TRMT11: variants seen among roughly 807,000 people sequenced by gnomAD.
The protein encoded by TRMT11 is tRNA (guanine(10)-N(2))-methyltransferase TRMT11.
TRMT11 carries 53 observed loss-of-function variants against 62.8 expected under a neutral mutation model. The observed-to-expected ratio is 0.84, with a 90% confidence interval of 0.68 to 1.06. The LOEUF (loss-of-function observed/expected upper bound fraction) is 1.06. TRMT11 is among the 50% of genes least tolerant of loss of function. The probability of loss-of-function intolerance (pLI) is 0.00; values close to 1 mark genes in which losing one functional copy is unlikely to be tolerated. For missense variants in TRMT11, 556 were observed against 553.4 expected (o/e 1.00, Z -0.05); for synonymous variants, 188 against 190.3 (o/e 0.99, Z 0.10).
At chr6:126,077,770 G>T (rs757624983) in intron 17 of TRMT11, among the ~76,000 whole-genome samples, 1 of 152,180 alleles carries the variant, frequency 6.6e-6, no homozygotes, top group Non-Finnish European at 1.5e-5. Context: ...CTAGTTTGGT[G>T]AGATAATGTT....
chr6:126,092,589 G>A (rs192483406), intron 17 of TRMT11, among the ~76,000 whole-genome samples: 1 of 152,292 alleles, frequency 6.6e-6, no homozygotes, highest in African/African-American at 2.4e-5. Flanking sequence ...CAGCCAAACC[G>A]TATCATCTGG....
chr6:126,128,779 A>G (rs762967454), intron 21 of TRMT11, among the ~76,000 whole-genome samples: 1 of 152,036 alleles, frequency 6.6e-6, no homozygotes, highest in Non-Finnish European at 1.5e-5. Context: ...TAAATATCCC[A>G]TGTGATATTG....
intron 21 of TRMT11, among the ~76,000 whole-genome samples, chr6:126,143,470 T>G (rs981568354): frequency 1.3e-5 from 2 of 152,162 alleles, no homozygotes; most frequent in Non-Finnish European, 2.9e-5. Context: ...GAAAGGTCCC[T>G]TGACAGAGTA....
chr6:126,181,528 A>G (rs1182123484), intron 1 of TRMT11, among the ~76,000 whole-genome samples: 2 of 152,138 alleles, frequency 1.3e-5, no homozygotes, highest in Admixed American at 6.5e-5. Context: ...ACAGATTCCT[A>G]CATATCAAAG....
intron 2 of TRMT11, 71 bp downstream of exon 2, chr6:125,993,893 T>C: frequency 1.2e-6 from 1 of 846,008 alleles, no homozygotes; most frequent in Non-Finnish European, 1.9e-6. Flanking sequence ...AGAGAAGAAG[T>C]GCATATCTTA....
At chr6:126,099,133 T>G (rs1777369878) in intron 17 of TRMT11, among the ~76,000 whole-genome samples, 1 of 152,210 alleles carries the variant, frequency 6.6e-6, no homozygotes, top group South Asian at 2.1e-4. Context: ...TTCTTATCAT[T>G]TGGTTGTCCT....
chr6:126,263,967 C>T, the TRMT11 span, among the ~76,000 whole-genome samples: 1 of 152,252 alleles, frequency 6.6e-6, no homozygotes, highest in East Asian at 1.9e-4. Context: ...TTCGGTTGGG[C>T]AATATAGTGA....
At chr6:126,093,631 A>ATATTTTTTT (rs1554236842) in intron 17 of TRMT11, among the ~76,000 whole-genome samples, 1 of 98,014 alleles carries the variant, frequency 1.0e-5, no homozygotes, top group African/African-American at 4.4e-5. Flanking sequence ...ATATATATAT[A>ATATTTTTTT]TTTTCCCCCA....
the TRMT11 span, among the ~76,000 whole-genome samples, chr6:126,234,199 A>C: frequency 3.9e-5 from 6 of 152,008 alleles, no homozygotes; most frequent in Admixed American, 2.0e-4. Flanking sequence ...TGTTAGAGAC[A>C]CTCCTTTGGG....
chr6:126,038,646 C>A, intron 12 of TRMT11, 59 bp from the exon 13 acceptor site: 1 of 1,454,856 alleles, frequency 6.9e-7, no homozygotes, highest in Non-Finnish European at 9.1e-7. Flanking sequence ...TAAACAACTG[C>A]TTTGGTATAA....
At chr6:126,123,549 C>T (rs979299305) in intron 21 of TRMT11, among the ~76,000 whole-genome samples, 1 of 152,002 alleles carries the variant, frequency 6.6e-6, no homozygotes. Context: ...CACTGCTAAT[C>T]ATGTAAATAA....
At chr6:126,209,431 T>C in the TRMT11 span, among the ~76,000 whole-genome samples, 7 of 151,978 alleles carry the variant, frequency 4.6e-5, no homozygotes, top group Non-Finnish European at 8.8e-5. Context: ...TCAAAATACT[T>C]TGGTGTAGGC....
chr6:126,161,704 T>C (rs1778192939), intron 21 of TRMT11, among the ~76,000 whole-genome samples: 1 of 152,232 alleles, frequency 6.6e-6, no homozygotes, highest in Non-Finnish European at 1.5e-5. Context: ...CCACCAACAG[T>C]GTAAAAGCAT....
At chr6:126,173,829 G>T (rs1329299122), upstream of TRMT11, among the ~76,000 whole-genome samples, 1 of 152,168 alleles carries the variant, frequency 6.6e-6, no homozygotes, top group African/African-American at 2.4e-5. Flanking sequence ...GGTGCATCTG[G>T]TTCCTGGTGT....
chr6:126,198,947 C>T (rs1393283255), intron 2 of TRMT11: 1 of 152,232 alleles, frequency 6.6e-6, no homozygotes, highest in East Asian at 1.9e-4. Flanking sequence ...CCCCTGATCT[C>T]TGTCCTCCAA....
chr6:126,169,254 G>A (rs552011030), intron 21 of TRMT11, among the ~76,000 whole-genome samples: 228 of 152,184 alleles, frequency 1.5e-3, no homozygotes, highest in Non-Finnish European at 2.4e-3. Context: ...AATTTTTAAC[G>A]TTTGGTCTAT....
intron 1 of TRMT11, among the ~76,000 whole-genome samples, chr6:126,182,001 T>C (rs1027435468): frequency 5.3e-5 from 8 of 152,180 alleles, no homozygotes; most frequent in Non-Finnish European, 1.0e-4. Flanking sequence ...TCAAAAGAAA[T>C]TGTAGACAGT....
At chr6:125,997,021 T>G (rs2128755040) in intron 3 of TRMT11, among the ~76,000 whole-genome samples, 1 of 152,336 alleles carries the variant, frequency 6.6e-6, no homozygotes, top group South Asian at 2.1e-4. Flanking sequence ...TAATTGCTTG[T>G]TAGGTTTAAA....
intron 17 of TRMT11, among the ~76,000 whole-genome samples, chr6:126,098,610 ACCT>A (rs1777364558): frequency 6.6e-6 from 1 of 151,964 alleles, no homozygotes; most frequent in African/African-American, 2.4e-5. Context: ...TGTTGCAATT[ACCT>A]CCTTTCTTTA....
Sources: gnomAD v4.1 joint callset for allele counts (sites outside exome capture counted in the v4.1 genomes callset) on GRCh38, gnomAD v4.1.1 for gene constraint, MANE v1.5 for transcripts, NCBI Gene and HGNC (gene_info 2026-07-23, HGNC 2026-07-21) for gene names.